The following HEATR4 variants were observed in gnomAD, a reference collection of about 807,000 sequenced individuals.
HEATR4 encodes HEAT repeat-containing protein 4.
Under a neutral mutation model 108.8 loss-of-function variants are expected in HEATR4, and 95 were observed. That is an observed-to-expected ratio of 0.87 (90% confidence interval 0.74 to 1.04). The LOEUF is 1.04. Ranked by LOEUF, HEATR4 falls within the 50% of genes least tolerant of loss-of-function variation. The pLI, the probability that HEATR4 is intolerant of heterozygous loss-of-function variation, is 0.00. For synonymous variants in HEATR4, 443 were observed against 459.4 expected, an observed-to-expected ratio of 0.96 and a Z score of 0.46; for missense variants, 1,152 against 1,253.8, an observed-to-expected ratio of 0.92 and a Z score of 1.23.
At chr14:73,585,355 C>A in the HEATR4 span, among the ~76,000 whole-genome samples, 1 of 152,030 alleles carries the variant, frequency 6.6e-6, no homozygotes, top group Non-Finnish European at 1.5e-5. Flanking sequence ...GCCTCCCCTT[C>A]TTCTCCCCCA....
chr14:73,588,837 G>A, the HEATR4 span, among the ~76,000 whole-genome samples: 1 of 152,004 alleles, frequency 6.6e-6, no homozygotes, highest in African/African-American at 2.4e-5. Flanking sequence ...AAGGAACAGG[G>A]ACATGAACCC....
the HEATR4 span, chr14:73,581,625 AC>A: frequency 9.0e-6 from 1 of 111,334 alleles, no homozygotes; most frequent in Non-Finnish European, 1.8e-5. Context: ...TGTTTTAAAC[AC>A]CCCCAAGGAA....
Position 73,512,096 on chromosome 14 carries a change from G to T in HEATR4, c.1468C>A (p.Leu490Met). 1 of 1,614,146 alleles carries T rather than the reference G, an allele frequency of 6.2e-7. No homozygotes were observed. Among genetic ancestry groups the T allele is most frequent in the Non-Finnish European group, 8.5e-7 (1 of 1,180,022 alleles). Residue 490 changes from leucine (L) to methionine (M), a missense_variant, in exon 7 of 18, where the codon CTG (leucine) becomes ATG (methionine). Physicochemically the swap from Leu to Met is conservative, Grantham distance 15. Coordinates refer to ENST00000553558, the MANE Select transcript of HEATR4 (RefSeq NM_001220484.1). ...GCTTTGATCCGAACGTCATCATGCA[G>T]GTCTCCCAAGCTCTGAAGCAGGTTC... Reference protein sequence around the residue: ...VENLLQSLGDLHDDVRIKAIT... With the variant: ...VENLLQSLGDMHDDVRIKAIT...
the HEATR4 span, among the ~76,000 whole-genome samples, chr14:73,627,127 T>C: frequency 6.6e-6 from 1 of 151,556 alleles, no homozygotes; most frequent in African/African-American, 2.4e-5. Context: ...GCACCAGGCA[T>C]AGACTTCTCC....
chr14:73,609,422 A>G, the HEATR4 span, among the ~76,000 whole-genome samples: 1 of 152,136 alleles, frequency 6.6e-6, no homozygotes, highest in African/African-American at 2.4e-5. Flanking sequence ...TTGGGCCAGT[A>G]GTCTAAAAGT....
rs562155926 is a variant in HEATR4, at chr14:73,491,343, C to T, written c.2844+1723G>A. On this transcript the variant is annotated intron_variant, in intron 17 of 17. Coordinates refer to ENST00000553558, the MANE Select transcript of HEATR4 (RefSeq NM_001220484.1). Reference sequence around the variant, plus strand: ...GGGCCCGCAGAGCTGCTGGAGGCCTCGCCCGCCGCGCGCTCCCTGCAGACC... The same window carrying T: ...GGGCCCGCAGAGCTGCTGGAGGCCTTGCCCGCCGCGCGCTCCCTGCAGACC... The T allele has an allele frequency of 8.7e-4, 1,251 of 1,441,424 alleles. 2 individuals carry two copies. Among genetic ancestry groups the T allele is most frequent in the Middle Eastern group, 3.9e-3 (17 of 4,406 alleles). The allele number at this position is 1,441,424 out of a possible 1,614,324, so 89.3% of individuals were successfully genotyped here.
chr14:73,590,960 C>T, the HEATR4 span, among the ~76,000 whole-genome samples: 1 of 152,232 alleles, frequency 6.6e-6, no homozygotes, highest in Non-Finnish European at 1.5e-5. Context: ...CGACAGCGAG[C>T]GAGGGCAGCC....
intron 11 of HEATR4, among the ~76,000 whole-genome samples, chr14:73,501,993 C>G (rs1051056478): frequency 6.6e-6 from 1 of 151,872 alleles, no homozygotes; most frequent in Non-Finnish European, 1.5e-5. Flanking sequence ...GATCCACCCG[C>G]CTCGGCCTCC....
At chr14:73,595,453 C>G in the HEATR4 span, 1 of 1,614,084 alleles carries the variant, frequency 6.2e-7, no homozygotes, top group Non-Finnish European at 8.5e-7. Flanking sequence ...TCATCTGTTA[C>G]CCTGGGACTG....
chr14:73,528,057 A>C (rs909600662), intron 2 of HEATR4, among the ~76,000 whole-genome samples: 6 of 152,092 alleles, frequency 3.9e-5, no homozygotes, highest in African/African-American at 1.2e-4. Context: ...TTACAATGCA[A>C]ACATCCCAGA....
intron 17 of HEATR4, chr14:73,491,021 G>A (rs1885678860): frequency 2.7e-6 from 4 of 1,505,698 alleles, no homozygotes; most frequent in East Asian, 5.1e-5. Flanking sequence ...TCTGGCCATG[G>A]ATGGGCTCCA....
intron 14 of HEATR4, 68 bp from the exon 15 acceptor site, chr14:73,496,747 T>C: frequency 2.3e-6 from 2 of 866,714 alleles, no homozygotes; most frequent in East Asian, 4.8e-5. Flanking sequence ...GGGTAGAAAA[T>C]ATAGGACTTG....
At chr14:73,611,143 C>T in the HEATR4 span, 1 of 152,212 alleles carries the variant, frequency 6.6e-6, no homozygotes, top group Admixed American at 6.5e-5. Flanking sequence ...AGTGAACTTG[C>T]TTCATAGAGT....
At chr14:73,501,839 C>T (rs1347634822) in intron 11 of HEATR4, among the ~76,000 whole-genome samples, 1 of 151,686 alleles carries the variant, frequency 6.6e-6, no homozygotes, top group Non-Finnish European at 1.5e-5. Context: ...CTGCAAGCTC[C>T]AACTCCCAGG....
intron 10 of HEATR4, among the ~76,000 whole-genome samples, chr14:73,503,470 C>T (rs947015995): frequency 2.0e-5 from 3 of 152,160 alleles, no homozygotes; most frequent in African/African-American, 7.2e-5. Context: ...GCACTTCTCT[C>T]AGAGAGGAAT....
the HEATR4 span, among the ~76,000 whole-genome samples, chr14:73,629,157 T>G: frequency 6.6e-6 from 1 of 151,900 alleles, no homozygotes; most frequent in Non-Finnish European, 1.5e-5. Context: ...GGCAAAAATA[T>G]CAGCAAAAAG....
chr14:73,590,185 G>A, the HEATR4 span, among the ~76,000 whole-genome samples: 1 of 152,172 alleles, frequency 6.6e-6, no homozygotes, highest in South Asian at 2.1e-4. Context: ...CCATTTTACA[G>A]AGAGCCGATT....
At chr14:73,613,064 G>A in the HEATR4 span, 1 of 603,130 alleles carries the variant, frequency 1.7e-6, no homozygotes, top group Non-Finnish European at 2.7e-6. Context: ...CGAGCTCTGC[G>A]ACCCCCACCG....
chr14:73,581,131 AC>A, the HEATR4 span: 4 of 126,066 alleles, frequency 3.2e-5, no homozygotes, highest in Admixed American at 9.3e-5. Flanking sequence ...ATCACCTCAC[AC>A]TTTTTTTTTT....
Sources: allele counts gnomAD v4.1 joint callset (sites outside exome capture counted in the v4.1 genomes callset), GRCh38; gene constraint gnomAD v4.1.1; transcripts MANE v1.5; gene names NCBI Gene and HGNC (gene_info 2026-07-23, HGNC 2026-07-21).